The following EFCAB7 variants were observed in gnomAD, a reference collection of about 807,000 sequenced individuals.
The protein encoded by EFCAB7 is EF-hand calcium-binding domain-containing protein 7.
In EFCAB7, 66 loss-of-function variants were observed where a neutral mutation model predicts 77.1. The observed-to-expected ratio is 0.86, with a 90% CI of 0.70 to 1.05. The LOEUF is 1.05. Ranked by LOEUF, EFCAB7 falls within the 50% of genes least tolerant of loss-of-function variation. The pLI, the probability that EFCAB7 is intolerant of heterozygous loss-of-function variation, is 0.00. For missense variants in EFCAB7, 638 were observed against 730.5 expected, an observed-to-expected ratio of 0.87 and a Z score of 1.46; for synonymous variants, 225 against 243.3, an observed-to-expected ratio of 0.92 and a Z score of 0.70.
chr1:63,563,478 G>A (rs1557687837), intron 11 of EFCAB7, among the ~76,000 whole-genome samples: 1 of 152,182 alleles, frequency 6.6e-6, no homozygotes, highest in Non-Finnish European at 1.5e-5. Flanking sequence ...GGGGAGGTAT[G>A]GAATTCAAGG....
intron 6 of EFCAB7, among the ~76,000 whole-genome samples, chr1:63,539,174 T>G (rs1646799379): frequency 6.6e-6 from 1 of 152,202 alleles, no homozygotes; most frequent in Admixed American, 6.5e-5. Flanking sequence ...ATCAGCACAT[T>G]GAAAAATTCT....
chr1:63,540,735 A>G (rs957542160), intron 6 of EFCAB7, among the ~76,000 whole-genome samples: 1 of 152,210 alleles, frequency 6.6e-6, no homozygotes, highest in African/African-American at 2.4e-5. Context: ...GTCACATCTT[A>G]ATTTCTTAGA....
downstream of EFCAB7, among the ~76,000 whole-genome samples, chr1:63,574,437 T>C (rs1647353634): frequency 6.6e-6 from 1 of 152,018 alleles, no homozygotes; most frequent in Non-Finnish European, 1.5e-5. Flanking sequence ...GAAGTTTCAG[T>C]GAGGGAGTAG....
chr1:63,536,634 G>GC (rs1157906855), intron 6 of EFCAB7: 1 of 152,100 alleles, frequency 6.6e-6, no homozygotes, highest in Non-Finnish European at 1.5e-5. Flanking sequence ...GTCTGCCTTG[G>GC]CCCCCCAAAG....
intron 10 of EFCAB7, among the ~76,000 whole-genome samples, chr1:63,560,931 C>A (rs1241028128): frequency 6.6e-6 from 1 of 152,160 alleles, no homozygotes; most frequent in Non-Finnish European, 1.5e-5. Context: ...ATAAGACTAC[C>A]CATTTCCCTT....
chr1:63,583,180 A>G, the EFCAB7 span, among the ~76,000 whole-genome samples: 6 of 152,204 alleles, frequency 3.9e-5, no homozygotes, highest in African/African-American at 1.2e-4. Context: ...AAGGGAAGCA[A>G]GCACCAGGAT....
intron 10 of EFCAB7, among the ~76,000 whole-genome samples, chr1:63,560,758 G>A (rs532263715): frequency 1.8e-4 from 28 of 152,066 alleles, no homozygotes; most frequent in Non-Finnish European, 3.7e-4. Flanking sequence ...CTGAGCTCAG[G>A]CTATCCACCT....
At chr1:63,530,359 T>C (rs1478257414) in intron 2 of EFCAB7, among the ~76,000 whole-genome samples, 1 of 152,224 alleles carries the variant, frequency 6.6e-6, no homozygotes, top group Non-Finnish European at 1.5e-5. Flanking sequence ...AATTTGGCAG[T>C]ACAATTCAGG....
At chr1:63,555,151 G>T in intron 8 of EFCAB7, 1 of 392,406 alleles carries the variant, frequency 2.5e-6, no homozygotes. Flanking sequence ...AAGAACTGCT[G>T]TATCTAATGA....
chr1:63,543,563 AAAT>A (rs1387795725), intron 6 of EFCAB7, among the ~76,000 whole-genome samples: 2 of 152,234 alleles, frequency 1.3e-5, no homozygotes, highest in Admixed American at 6.5e-5. Flanking sequence ...TAAAATATGA[AAAT>A]AATTGTGACA....
intron 7 of EFCAB7, chr1:63,549,531 A>G (rs548616172): frequency 4.6e-5 from 21 of 457,384 alleles, no homozygotes; most frequent in Middle Eastern, 6.7e-4. Context: ...AGTTTTATTT[A>G]AAGTGTTATT....
downstream of EFCAB7, among the ~76,000 whole-genome samples, chr1:63,575,662 C>T (rs1647390793): frequency 6.6e-6 from 1 of 152,102 alleles, no homozygotes; most frequent in African/African-American, 2.4e-5. Flanking sequence ...CAGCTCACTG[C>T]AGCCTTGTTT....
chr1:63,551,041 T>C (rs1646958565), intron 7 of EFCAB7: 1 of 152,134 alleles, frequency 6.6e-6, no homozygotes. Context: ...AATTTTGGGG[T>C]TGTCAGCACA....
chr1:63,549,126 G>A (rs956870903), intron 7 of EFCAB7: 7 of 283,046 alleles, frequency 2.5e-5, no homozygotes, highest in East Asian at 1.1e-4. Flanking sequence ...CAAGGCTGGC[G>A]CAGTCGGTTT....
At position 63,568,301 on chromosome 1, in the gene EFCAB7, TC is replaced by T. The variant is rs756142888; in HGVS notation, c.1498-7del. On this transcript the variant is annotated splice_region_variant and splice_polypyrimidine_tract_variant and intron_variant, in intron 11 of 13. Transcript: ENST00000371088. ...AAAAGGCTGAAACAAGATTTTTTTT[TC>T]CTATCAGGCATGTCCATTTGTCATT... The T allele has an allele frequency of 4.4e-6, 7 of 1,585,152 alleles. No homozygotes were observed. In the African/African-American group the frequency reaches 6.8e-5, roughly 15 times the overall value.
At chr1:63,539,255 T>C (rs961174266) in intron 6 of EFCAB7, among the ~76,000 whole-genome samples, 3 of 152,190 alleles carry the variant, frequency 2.0e-5, no homozygotes, top group African/African-American at 7.2e-5. Context: ...AAGTACATTA[T>C]CTTTTAAAGC....
chr1:63,553,595 C>A (rs1014869080), intron 8 of EFCAB7, among the ~76,000 whole-genome samples: 6 of 152,184 alleles, frequency 3.9e-5, no homozygotes, highest in Admixed American at 2.0e-4. Flanking sequence ...GCCTTGGCCT[C>A]CCAAAGTGCT....
chr1:63,583,437 T>G, the EFCAB7 span, among the ~76,000 whole-genome samples: 1 of 152,168 alleles, frequency 6.6e-6, no homozygotes, highest in Non-Finnish European at 1.5e-5. Flanking sequence ...AGGAAGTACT[T>G]TGCCAGTAAG....
chr1:63,541,074 T>C (rs1646823357), intron 6 of EFCAB7, among the ~76,000 whole-genome samples: 1 of 152,122 alleles, frequency 6.6e-6, no homozygotes, highest in Non-Finnish European at 1.5e-5. Flanking sequence ...GAATGGGTAA[T>C]TTATACAAAA....
Sources: gnomAD v4.1 joint callset for allele counts (sites outside exome capture counted in the v4.1 genomes callset) on GRCh38, gnomAD v4.1.1 for gene constraint, MANE v1.5 for transcripts, NCBI Gene and HGNC (gene_info 2026-07-23, HGNC 2026-07-21) for gene names.